Variants in TNRC6B observed in about 807,000 individuals in gnomAD.
TNRC6B encodes the protein trinucleotide repeat-containing gene 6B protein.
TNRC6B carries 52 observed loss-of-function variants against 203.6 expected under a neutral mutation model. The ratio of observed to expected loss-of-function variants is 0.26; its 90% CI spans 0.20 to 0.32. The LOEUF is 0.32. Among genes scored for constraint, TNRC6B ranks in the 10% least tolerant of loss-of-function variants. The probability of loss-of-function intolerance (pLI) is 1.00; values close to 1 mark genes in which losing one functional copy is unlikely to be tolerated. For synonymous variants in TNRC6B, 838 were observed against 845.7 expected, an observed-to-expected ratio of 0.99 and a Z score of 0.16; for missense variants, 1,923 against 2,286.2, an observed-to-expected ratio of 0.84 and a Z score of 3.24.
At chr22:40,255,059 G>C (rs1041753649) in intron 3 of TNRC6B, among the ~76,000 whole-genome samples, 1 of 152,202 alleles carries the variant, frequency 6.6e-6, no homozygotes, top group African/African-American at 2.4e-5. Context: ...TTAAACACCT[G>C]GGTTCGTTGA....
rs1310234585 is a variant in TNRC6B, at chr22:40,332,523, A to G, written c.*9282A>G. On this transcript the variant is annotated 3_prime_UTR_variant, in exon 23 of 23. Coordinates refer to ENST00000454349, the MANE Select transcript of TNRC6B (RefSeq NM_001162501.2). ...GCGAGAGATTGTTCTGCCTATATTCAGTGTTTTCCATGCAGCAATTCTTCT... is the reference window on the plus strand; with the variant it reads ...GCGAGAGATTGTTCTGCCTATATTCGGTGTTTTCCATGCAGCAATTCTTCT... 1.3e-5 allele frequency: 2 copies of G among 151,320 alleles called. No homozygotes were observed. The highest frequency in any genetic ancestry group is 4.8e-5 in the African/African-American group (2 of 41,250). The allele number at this position is 151,320 out of a possible 1,614,324, so 9.4% of individuals were successfully genotyped here. A position where few individuals can be genotyped will look rare whatever the true frequency, so the allele number is the denominator to read the frequency against.
chr22:40,160,214 C>T (rs376940599), intron 4 of TNRC6B, among the ~76,000 whole-genome samples: 20 of 152,106 alleles, frequency 1.3e-4, no homozygotes, highest in African/African-American at 4.8e-4. Flanking sequence ...CGGTGACTCA[C>T]GCCTGTAATC....
chr22:40,189,449 A>T (rs985541573), intron 1 of TNRC6B, among the ~76,000 whole-genome samples: 6 of 150,680 alleles, frequency 4.0e-5, no homozygotes, highest in Non-Finnish European at 1.5e-5. Flanking sequence ...ACATTTGATT[A>T]GTTCAGCATT....
At chr22:40,158,748 G>C (rs2068842710) in intron 4 of TNRC6B, among the ~76,000 whole-genome samples, 1 of 151,816 alleles carries the variant, frequency 6.6e-6, no homozygotes, top group African/African-American at 2.4e-5. Flanking sequence ...TTTTCTTCTG[G>C]GCCTGGTCAG....
chr22:40,238,353 TG>T (rs1238056759), intron 1 of TNRC6B, among the ~76,000 whole-genome samples: 2 of 152,186 alleles, frequency 1.3e-5, no homozygotes, highest in Non-Finnish European at 2.9e-5. Context: ...TGAGAGGTTT[TG>T]GAAGTTTTGC....
intron 7 of TNRC6B, among the ~76,000 whole-genome samples, chr22:40,274,297 G>A (rs867957754): frequency 2.0e-5 from 3 of 152,108 alleles, no homozygotes; most frequent in South Asian, 2.1e-4. Context: ...GGCTTCTCCC[G>A]CGGCAATCAG....
At chr22:40,062,316 T>G (rs776243981) in intron 1 of TNRC6B, among the ~76,000 whole-genome samples, 42 of 152,138 alleles carry the variant, frequency 2.8e-4, no homozygotes, top group Non-Finnish European at 5.7e-4. Context: ...TTCTCCTGCC[T>G]TAGCCTCCTG....
chr22:40,211,245 A>AATTTTT (rs1478103536), intron 1 of TNRC6B, among the ~76,000 whole-genome samples: 5 of 151,884 alleles, frequency 3.3e-5, no homozygotes, highest in Non-Finnish European at 1.5e-5. Flanking sequence ...CACGCCAGCT[A>AATTTTT]ATTTTTTTAT....
At chr22:40,105,483 C>T (rs1481603741) in intron 1 of TNRC6B, among the ~76,000 whole-genome samples, 1 of 152,098 alleles carries the variant, frequency 6.6e-6, no homozygotes, top group Non-Finnish European at 1.5e-5. Context: ...TCTTTATTTT[C>T]CTTTCTATTT....
intron 3 of TNRC6B, chr22:40,253,640 G>C: frequency 2.2e-6 from 1 of 456,328 alleles, no homozygotes; most frequent in South Asian, 1.5e-5. Context: ...GGAGGTGAGA[G>C]GCCATTTCAG....
chr22:40,107,362 T>C (rs974799006), intron 1 of TNRC6B, among the ~76,000 whole-genome samples: 11 of 152,232 alleles, frequency 7.2e-5, no homozygotes, highest in African/African-American at 2.7e-4. Context: ...CTATCCAGAC[T>C]TTCTGGCTGT....
chr22:40,130,944 C>A (rs897325765), intron 3 of TNRC6B, among the ~76,000 whole-genome samples: 1 of 150,740 alleles, frequency 6.6e-6, no homozygotes, highest in Non-Finnish European at 1.5e-5. Context: ...CTCTGTTGCC[C>A]AGGCTGGAGT....
rs189261189 is a variant in TNRC6B at position 40,276,122 on chromosome 22, C to T, written c.3142-955C>T. The stretch of plus-strand genomic sequence containing the variant: ...CAGCACTTTGGGAGACCGAGGCAAG[C>T]GGATCACGAGGTGAGGAGATGGAGA... On this transcript the variant is annotated intron_variant, in intron 7 of 22. Transcript: ENST00000454349. Among the ~76,000 whole-genome samples the T allele has an allele frequency of 9.9e-5, 15 of 152,118 alleles. No homozygotes were observed. In the East Asian group the frequency reaches 2.7e-3, roughly 28 times the overall value.
chr22:40,191,240 A>G (rs3985940), intron 1 of TNRC6B, among the ~76,000 whole-genome samples: 103,511 of 151,934 alleles, frequency 0.68, 37,084 homozygotes, highest in African/African-American at 0.91. Context: ...TGTGTGCCCC[A>G]GTTTTCTCAT....
chr22:40,306,898 G>T (rs976564821), intron 15 of TNRC6B, among the ~76,000 whole-genome samples: 4 of 152,086 alleles, frequency 2.6e-5, no homozygotes, highest in African/African-American at 9.7e-5. Flanking sequence ...TGAGGCAGGA[G>T]AATTGCTTGA....
chr22:40,258,071 C>CTTTTT (rs56078653), intron 3 of TNRC6B, among the ~76,000 whole-genome samples: 4 of 28,714 alleles, frequency 1.4e-4, no homozygotes, highest in Non-Finnish European at 2.6e-4. Flanking sequence ...GATACACAGC[C>CTTTTT]TTTTTTTTTT....
chr22:40,074,968 A>G lies in TNRC6B; in HGVS notation c.-121+29970A>G, dbSNP rs902769607. On this transcript the variant is annotated intron_variant, in intron 1 of 23. Coordinates refer to the TNRC6B transcript ENST00000301923. The stretch of plus-strand genomic sequence containing the variant: ...GCGAGACCTTGTCTCAAAGAAAAAT[A>G]CTGTTACCATAAAACACATGCAATT... Among the ~76,000 whole-genome samples the G allele has an allele frequency of 3.2e-4, 48 of 151,704 alleles. 1 individual carries two copies. Among genetic ancestry groups the G allele is most frequent in the African/African-American group, 1.1e-3 (46 of 41,370 alleles).
chr22:40,211,509 A>T, intron 1 of TNRC6B, among the ~76,000 whole-genome samples: 1 of 151,990 alleles, frequency 6.6e-6, no homozygotes, highest in Non-Finnish European at 1.5e-5. Context: ...TACGTATATC[A>T]TTTGTCGTCC....
intron 2 of TNRC6B, among the ~76,000 whole-genome samples, chr22:40,249,950 C>G (rs1014047048): frequency 6.6e-6 from 1 of 152,140 alleles, no homozygotes; most frequent in Non-Finnish European, 1.5e-5. Flanking sequence ...GATCCTTTAA[C>G]TCTTATTTAG....
Sources: allele counts gnomAD v4.1 joint callset (sites outside exome capture counted in the v4.1 genomes callset), GRCh38; gene constraint gnomAD v4.1.1; transcripts MANE v1.5; gene names NCBI Gene and HGNC (gene_info 2026-07-23, HGNC 2026-07-21).